The following LINGO2 variants were observed in gnomAD, a reference collection of about 807,000 sequenced individuals.
LINGO2 encodes the protein leucine-rich repeat and immunoglobulin-like domain-containing nogo receptor-interacting protein 2.
LINGO2 carries 14 observed loss-of-function variants against 30.6 expected under a neutral mutation model. The ratio of observed to expected loss-of-function variants is 0.46; its 90% confidence interval spans 0.30 to 0.72. The LOEUF is 0.72. LINGO2 is among the 30% of genes least tolerant of loss of function. The pLI is 0.07. For missense variants in LINGO2, 729 were observed against 751.7 expected (o/e 0.97, Z 0.35); for synonymous variants, 317 against 288.5 (o/e 1.10, Z -1.00).
At chr9:29,213,452 T>C in the LINGO2 span, among the ~76,000 whole-genome samples, 2 of 152,054 alleles carry the variant, frequency 1.3e-5, no homozygotes, top group African/African-American at 4.8e-5. Flanking sequence ...GGGGAAACTT[T>C]CAGGGGAGGC....
chr9:29,139,080 G>T, the LINGO2 span, among the ~76,000 whole-genome samples: 1 of 152,158 alleles, frequency 6.6e-6, no homozygotes, highest in African/African-American at 2.4e-5. Context: ...TATGTGAGCA[G>T]CCTTTATGGA....
chr9:27,964,753 T>C (rs1820014295), intron 5 of LINGO2, among the ~76,000 whole-genome samples: 1 of 152,108 alleles, frequency 6.6e-6, no homozygotes, highest in African/African-American at 2.4e-5. Flanking sequence ...CTGGGGGTTC[T>C]TCAGGATCCA....
chr9:28,555,944 A>G lies in LINGO2; in HGVS notation c.-364-79919T>C, dbSNP rs186260784. On this transcript the variant is annotated intron_variant, in intron 1 of 5. Coordinates refer to ENST00000379992, the Ensembl canonical transcript of LINGO2. ...GAAAAGGCCTTTGACAAAATTCAAC[A>G]GCCCTTCATGCTAAAAACTCTCAAT... Among the ~76,000 whole-genome samples, 472 of 152,232 alleles carry G rather than the reference A, an allele frequency of 3.1e-3. 3 individuals carry two copies. Among genetic ancestry groups the G allele is most frequent in the Admixed American group, 0.011 (170 of 15,290 alleles).
intron 4 of LINGO2, among the ~76,000 whole-genome samples, chr9:28,135,147 C>G (rs1390351302): frequency 6.6e-6 from 1 of 151,994 alleles, no homozygotes. Flanking sequence ...AAAACAATCT[C>G]AAGAAAAAAA....
chr9:28,368,182 T>C (rs1280408088), intron 3 of LINGO2, among the ~76,000 whole-genome samples: 1 of 152,174 alleles, frequency 6.6e-6, no homozygotes, highest in Non-Finnish European at 1.5e-5. Context: ...CTTATTTTTT[T>C]TCTGTTTGTA....
At chr9:27,995,531 C>T (rs1027975148) in intron 5 of LINGO2, among the ~76,000 whole-genome samples, 10 of 152,090 alleles carry the variant, frequency 6.6e-5, no homozygotes, top group African/African-American at 2.4e-4. Flanking sequence ...AGAGCAGTCT[C>T]TATCATCAGG....
intron 1 of LINGO2, among the ~76,000 whole-genome samples, chr9:28,615,808 A>G (rs1826108888): frequency 2.0e-5 from 3 of 152,196 alleles, no homozygotes; most frequent in Non-Finnish European, 4.4e-5. Context: ...CATTGTGTAC[A>G]GCATTTTAAT....
chr9:28,728,304 T>C, the LINGO2 span, among the ~76,000 whole-genome samples: 1 of 152,026 alleles, frequency 6.6e-6, no homozygotes, highest in Non-Finnish European at 1.5e-5. Context: ...AACTGGTAAA[T>C]TATTTTTAAA....
At chr9:28,718,165 C>T in the LINGO2 span, among the ~76,000 whole-genome samples, 1,404 of 150,866 alleles carry the variant, frequency 9.3e-3, 28 homozygotes, top group East Asian at 0.08. Context: ...GCTTATATGG[C>T]TTAAGTATAA....
the LINGO2 span, among the ~76,000 whole-genome samples, chr9:28,849,683 G>T: frequency 6.7e-3 from 1,011 of 151,958 alleles, 10 homozygotes; most frequent in Non-Finnish European, 0.011. Context: ...ACAAGCTACC[G>T]AGCTTTGCAA....
the LINGO2 span, among the ~76,000 whole-genome samples, chr9:29,032,999 T>C: frequency 3.9e-5 from 6 of 152,288 alleles, no homozygotes; most frequent in South Asian, 6.2e-4. Context: ...TTATGCCATA[T>C]AGATGAAGAG....
chr9:28,339,875 C>T lies in LINGO2; in HGVS notation c.-246+32961G>A, dbSNP rs185339360. Reference sequence around the variant, plus strand: ...TTCTGGACAACTCTGTTGATTGGAGCCCCTTTATTTAAGTTCTCTCCTCTG... The same window carrying T: ...TTCTGGACAACTCTGTTGATTGGAGTCCCTTTATTTAAGTTCTCTCCTCTG... On this transcript the variant is annotated intron_variant, in intron 3 of 5. Transcript: ENST00000379992. Among the ~76,000 whole-genome samples, 16 of 152,156 alleles carry T rather than the reference C, an allele frequency of 1.1e-4. No homozygotes were observed. In the East Asian group the frequency reaches 2.9e-3, roughly 28 times the overall value.
intron 4 of LINGO2, among the ~76,000 whole-genome samples, chr9:28,156,796 T>C (rs1828143464): frequency 6.6e-6 from 1 of 152,242 alleles, no homozygotes; most frequent in South Asian, 2.1e-4. Context: ...ACAGGCCCCA[T>C]GGCAGTCTGA....
intron 3 of LINGO2, among the ~76,000 whole-genome samples, chr9:28,368,915 C>A (rs1820792600): frequency 6.6e-6 from 1 of 152,120 alleles, no homozygotes; most frequent in Non-Finnish European, 1.5e-5. Flanking sequence ...TTCTTTCTGT[C>A]CTAAACTGAT....
chr9:27,944,886 G>A (rs1319398829), downstream of LINGO2, among the ~76,000 whole-genome samples: 1 of 152,100 alleles, frequency 6.6e-6, no homozygotes, highest in East Asian at 1.9e-4. Context: ...AAGGACTTCA[G>A]TGAAAGTCAA....
At chr9:28,884,187 C>A in the LINGO2 span, among the ~76,000 whole-genome samples, 34 of 141,702 alleles carry the variant, frequency 2.4e-4, no homozygotes, top group South Asian at 6.3e-3. Context: ...CTGTTATTTT[C>A]CCTTACAGTT....
At chr9:28,546,009 A>T (rs775365612) in intron 1 of LINGO2, among the ~76,000 whole-genome samples, 5 of 152,060 alleles carry the variant, frequency 3.3e-5, no homozygotes, top group Non-Finnish European at 7.4e-5. Context: ...TATTCTTCAC[A>T]TATTAGCTAA....
intron 2 of LINGO2, among the ~76,000 whole-genome samples, chr9:28,456,342 T>C (rs1023256045): frequency 6.6e-6 from 1 of 152,228 alleles, no homozygotes; most frequent in Non-Finnish European, 1.5e-5. Flanking sequence ...GTTGCTTCTA[T>C]ACTGGATTGA....
At chr9:29,128,789 G>A in the LINGO2 span, among the ~76,000 whole-genome samples, 1 of 152,050 alleles carries the variant, frequency 6.6e-6, no homozygotes, top group Admixed American at 6.6e-5. Context: ...TTGTTTGTGT[G>A]TGTATATATG....
Sources: allele counts gnomAD v4.1 joint callset (sites outside exome capture counted in the v4.1 genomes callset), GRCh38; gene constraint gnomAD v4.1.1; transcripts MANE v1.5; gene names NCBI Gene and HGNC (gene_info 2026-07-23, HGNC 2026-07-21).